The following CEP164 variants were observed in gnomAD, a reference collection of about 807,000 sequenced individuals.
CEP164 encodes the protein centrosomal protein of 164 kDa.
A neutral mutation model predicts 182.7 loss-of-function variants in CEP164; 162 were observed. The observed-to-expected ratio is 0.89, with a 90% CI of 0.78 to 1.01. The LOEUF (loss-of-function observed/expected upper bound fraction) is 1.01, where lower values mean the gene tolerates loss of function less well. Ranked by LOEUF, CEP164 falls within the 50% of genes least tolerant of loss-of-function variation. The probability of loss-of-function intolerance (pLI) is 0.00; values close to 1 mark genes in which losing one functional copy is unlikely to be tolerated. For missense variants in CEP164, 1,735 were observed against 1,790.4 expected, an observed-to-expected ratio of 0.97 and a Z score of 0.56; for synonymous variants, 661 against 690.0, an observed-to-expected ratio of 0.96 and a Z score of 0.66.
At position 117,362,404 on chromosome 11, in the gene CEP164, C is replaced by G; in HGVS notation, c.553C>G (p.Pro185Ala). ...TTGACTGTCCTTCTCTATTTTGAAG[C>G]CTTCACAGGGTCTCAAGACCTCTGC... ...SGRQLGELML[P>A]SQGLKTSAYT... Residue 185 changes from proline to alanine, a missense_variant and splice_region_variant, in exon 7 of 33, where the codon CCT becomes GCT. Pro to Ala is a conservative substitution (Grantham distance 27, BLOSUM62 -1). Coordinates refer to ENST00000278935, the MANE Select transcript of CEP164 (RefSeq NM_014956.5). 1 of 1,610,594 alleles carries G rather than the reference C, an allele frequency of 6.2e-7. No homozygotes were observed. The highest frequency in any genetic ancestry group is 8.5e-7 in the Non-Finnish European group (1 of 1,177,978).
At chr11:117,342,577 G>A (rs2038278968) in intron 3 of CEP164, among the ~76,000 whole-genome samples, 1 of 151,890 alleles carries the variant, frequency 6.6e-6, no homozygotes, top group Admixed American at 6.6e-5. Context: ...CCTGTCTCAA[G>A]CGATTCTCCT....
intron 3 of CEP164, among the ~76,000 whole-genome samples, chr11:117,339,304 G>A (rs1036209778): frequency 1.3e-5 from 2 of 152,120 alleles, no homozygotes; most frequent in African/African-American, 2.4e-5. Flanking sequence ...TTGGGTTAGA[G>A]CAGTGATTAG....
intron 3 of CEP164, among the ~76,000 whole-genome samples, chr11:117,341,376 C>T (rs1038445025): frequency 6.6e-5 from 10 of 152,086 alleles, no homozygotes; most frequent in Admixed American, 2.6e-4. Context: ...CAACATAACA[C>T]CCTTGATGGG....
At chr11:117,329,692 C>T (rs2035886117) in intron 1 of CEP164, among the ~76,000 whole-genome samples, 1 of 152,080 alleles carries the variant, frequency 6.6e-6, no homozygotes, top group African/African-American at 2.4e-5. Flanking sequence ...CAGGTGGGCA[C>T]CACAACTCCT....
intron 30 of CEP164, 110 bp downstream of exon 30, chr11:117,410,075 TC>T: frequency 9.6e-7 from 1 of 1,043,152 alleles, no homozygotes; most frequent in Non-Finnish European, 1.5e-6. Context: ...CTCTTTTGCA[TC>T]CCTTTGCCAC....
At chr11:117,344,078 G>C in intron 3 of CEP164, 88 bp from the exon 4 acceptor site, 1 of 688,572 alleles carries the variant, frequency 1.5e-6, no homozygotes, top group South Asian at 1.8e-5. Context: ...TCTCATTGAT[G>C]GAGAGAAAAG....
chr11:117,390,649 A>AC, intron 15 of CEP164, 128 bp from the exon 16 acceptor site: 1 of 1,299,634 alleles, frequency 7.7e-7, no homozygotes. Context: ...AAAGAAAAAA[A>AC]AAAAAAAAGA....
chr11:117,373,025 A>G (rs899515617), intron 9 of CEP164, among the ~76,000 whole-genome samples: 1 of 151,982 alleles, frequency 6.6e-6, no homozygotes, highest in Non-Finnish European at 1.5e-5. Flanking sequence ...AGATTTTTCA[A>G]CCCTTAGTCC....
At chr11:117,336,906 C>T (rs574704053) in intron 2 of CEP164, among the ~76,000 whole-genome samples, 11 of 151,930 alleles carry the variant, frequency 7.2e-5, no homozygotes, top group South Asian at 2.1e-4. Context: ...GTTTCCCAGG[C>T]GACTTCCTTC....
intron 3 of CEP164, among the ~76,000 whole-genome samples, chr11:117,343,748 A>T (rs1485536537): frequency 6.7e-6 from 1 of 148,576 alleles, no homozygotes; most frequent in Non-Finnish European, 1.5e-5. Flanking sequence ...CTCCTGCCTC[A>T]GCCTCCCGAG....
chr11:117,371,989 T>A (rs1258855965), intron 9 of CEP164, among the ~76,000 whole-genome samples: 1 of 151,982 alleles, frequency 6.6e-6, no homozygotes. Context: ...CACAGGCATA[T>A]GTCACCATGC....
intron 4 of CEP164, among the ~76,000 whole-genome samples, chr11:117,346,294 A>G (rs1297266984): frequency 6.8e-6 from 1 of 148,068 alleles, no homozygotes; most frequent in East Asian, 2.0e-4. Flanking sequence ...TTTGAGATGG[A>G]GTCTTGCTCT....
chr11:117,355,843 A>G, intron 5 of CEP164: 1 of 1,069,060 alleles, frequency 9.4e-7, no homozygotes, highest in Non-Finnish European at 1.1e-6. Context: ...GTCTCTTGCT[A>G]ATACCACCTG....
Position 117,344,289 on chromosome 11 carries a change from G to A in CEP164, c.194+12G>A, listed in dbSNP as rs749099996. 1 of 1,589,600 alleles carries A rather than the reference G, an allele frequency of 6.3e-7. No homozygotes were observed. The highest frequency in any genetic ancestry group is 1.7e-4 in the Middle Eastern group (1 of 6,014). ...GAGTGGAAACCATGGTAAGTCAGCAGGGGGTGCGGCCACTGACTTGGCCTA... is the reference window on the plus strand; with the variant it reads ...GAGTGGAAACCATGGTAAGTCAGCAAGGGGTGCGGCCACTGACTTGGCCTA... On this transcript the variant is annotated intron_variant, in intron 4 of 32. Transcript: ENST00000278935.
In CEP164 at chr11:117,410,879, G is replaced by C. The variant is rs913817059; in HGVS notation, c.4148G>C (p.Gly1383Ala). The change falls in exon 31 of 33, where the codon GGT becomes GCT. Residue 1383 changes from glycine (G) to alanine (A), a missense_variant. Gly to Ala is a moderately conservative substitution (Grantham distance 60). Transcript: ENST00000278935. The stretch of plus-strand genomic sequence containing the variant: ...CCCACCCCGCTGGAGAGCAGGCTGG[G>C]TTACATGTCTGCCAGGTGAGCCTCC... The part of the protein sequence containing the change: ...NSPTPLESRL[G>A]YMSASEQLRL... The C allele has an allele frequency of 5.0e-6, 8 of 1,613,098 alleles. No individual in the cohort carries two copies. The African/African-American group carries it at 1.1e-4, about 22-fold the overall frequency.
In CEP164 at chr11:117,329,153, CCGG is replaced by C. The variant is rs2035798528; in HGVS notation, c.-98+1250_-98+1252del. On this transcript the variant is annotated intron_variant, in intron 1 of 32. Transcript: ENST00000278935. ...CAGGCTGGAGTGCAGTTGGTATTCA[CCGG>C]TGTGACCCTAGTACACTGCAGCCTC... Among the ~76,000 whole-genome samples, 4 of 150,826 alleles carry C rather than the reference CCGG, an allele frequency of 2.7e-5. No individual in the cohort carries two copies. The South Asian group carries it at 8.4e-4, about 32-fold the overall frequency.
rs145134617 is a variant in CEP164, at chr11:117,407,937, C to T, written c.3514C>T (p.Leu1172=). The change falls in exon 28 of 33, where the codon CTG becomes TTG. Residue 1172 remains leucine, a synonymous_variant. Coordinates refer to ENST00000278935, the MANE Select transcript of CEP164 (RefSeq NM_014956.5). The part of the protein sequence containing the change: ...RKNLEKETRH[L]DEMKSAMRKG... ...TCCTTGGCTGCAGGAGACCAGGCAC[C>T]TGGATGAGATGAAGTCGGCCATGCG... 2 of 1,594,454 alleles carry T rather than the reference C, an allele frequency of 1.3e-6. No individual in the cohort carries two copies. The highest frequency in any genetic ancestry group is 2.7e-5 in the African/African-American group (2 of 74,700).
intron 4 of CEP164, among the ~76,000 whole-genome samples, chr11:117,350,356 A>G (rs1044282123): frequency 5.3e-5 from 8 of 152,096 alleles, no homozygotes; most frequent in Non-Finnish European, 1.2e-4. Flanking sequence ...GACGTGTGTC[A>G]CTGTGCCTGG....
chr11:117,329,839 CTT>C (rs61429989), intron 1 of CEP164, among the ~76,000 whole-genome samples: 148 of 95,554 alleles, frequency 1.5e-3, no homozygotes, highest in South Asian at 3.2e-3. Flanking sequence ...TGCGCCTGGC[CTT>C]TTTTTTTTTT....
Sources: allele counts gnomAD v4.1 joint callset (sites outside exome capture counted in the v4.1 genomes callset), GRCh38; gene constraint gnomAD v4.1.1; transcripts MANE v1.5; gene names NCBI Gene and HGNC (gene_info 2026-07-23, HGNC 2026-07-21).